NMUR2: variants seen among roughly 807,000 people sequenced by gnomAD.
NMUR2 encodes neuromedin U receptor 2.
In NMUR2, 24 loss-of-function variants were observed where a neutral mutation model predicts 25.1. That is an observed-to-expected ratio of 0.96 (90% confidence interval 0.69 to 1.34). The LOEUF (loss-of-function observed/expected upper bound fraction) is 1.34. Ranked by LOEUF, NMUR2 falls within the 40% of genes most tolerant of loss-of-function variation. NMUR2 has a pLI of 0.00. For missense variants in NMUR2, 533 were observed against 512.8 expected (o/e 1.04, Z -0.38); for synonymous variants, 218 against 208.1 (o/e 1.05, Z -0.41).
In NMUR2 at chr5:152,392,116, T is replaced by A; in HGVS notation, c.*75A>T. 1 of 1,244,336 alleles carries A rather than the reference T, an allele frequency of 8.0e-7. No homozygotes were observed. The highest frequency in any genetic ancestry group is 1.4e-5 in the South Asian group (1 of 70,688). The allele number at this position is 1,244,336 out of a possible 1,614,324, so 77.1% of individuals were successfully genotyped here. On this transcript the variant is annotated 3_prime_UTR_variant, in exon 4 of 4. Coordinates refer to ENST00000255262, the MANE Select transcript of NMUR2 (RefSeq NM_020167.5). ...GAGCCATTCTACCTCTCTAATATCATATGAGAAGGCATACATTATGGGATG... is the reference window on the plus strand; with the variant it reads ...GAGCCATTCTACCTCTCTAATATCAAATGAGAAGGCATACATTATGGGATG...
rs371294388 is a variant in NMUR2, at chr5:152,398,907, A to T, written c.727-763T>A. 5.3e-4 allele frequency among the ~76,000 whole-genome samples: 80 copies of T among 152,282 alleles called. No homozygotes were observed. The South Asian group carries it at 0.016, about 30-fold the overall frequency. ...TTTAAAGTATATTCATCCTTGTTGG[A>T]CGATATGGAGATCCTTGATGTAACA... On this transcript the variant is annotated intron_variant, in intron 1 of 3. Coordinates refer to ENST00000255262, the MANE Select transcript of NMUR2 (RefSeq NM_020167.5).
intron 2 of NMUR2, among the ~76,000 whole-genome samples, chr5:152,396,671 G>C (rs1269416144): frequency 1.3e-5 from 2 of 152,086 alleles, no homozygotes; most frequent in African/African-American, 2.4e-5. Context: ...GGTGGCCAAG[G>C]GGTGGATCTC....
intron 3 of NMUR2, among the ~76,000 whole-genome samples, chr5:152,392,901 G>A (rs1753088005): frequency 6.6e-6 from 1 of 152,158 alleles, no homozygotes; most frequent in Admixed American, 6.6e-5. Context: ...TGCAAGTAGT[G>A]GAAGAAGGTA....
At chr5:152,394,726 A>G (rs1367663664) in intron 3 of NMUR2, among the ~76,000 whole-genome samples, 1 of 152,066 alleles carries the variant, frequency 6.6e-6, no homozygotes, top group Non-Finnish European at 1.5e-5. Context: ...CATAATATCC[A>G]CCTAATGACC....
At chr5:152,401,000 A>T (rs1021535078) in intron 1 of NMUR2, among the ~76,000 whole-genome samples, 8 of 152,218 alleles carry the variant, frequency 5.3e-5, no homozygotes, top group Non-Finnish European at 1.2e-4. Flanking sequence ...CTAACTAGCT[A>T]ACTAGAGGAA....
chr5:152,404,087 G>A (rs996916216), intron 1 of NMUR2, among the ~76,000 whole-genome samples: 1 of 152,170 alleles, frequency 6.6e-6, no homozygotes, highest in Non-Finnish European at 1.5e-5. Flanking sequence ...GGTGAGGTAT[G>A]CATATTGCTC....
In NMUR2 at chr5:152,405,170, GAAA is replaced by G. The variant is rs71669210; in HGVS notation, c.-60_-58del. On this transcript the variant is annotated 5_prime_UTR_variant, in exon 1 of 4. Coordinates refer to ENST00000255262, the MANE Select transcript of NMUR2 (RefSeq NM_020167.5). ...GAGGCTCTGTTTCAAGCTGAGCCAG[GAAA>G]AAAAAAAAAAAAAGAAAAAAGGAAA... 3,611 of 1,136,382 alleles carry G rather than the reference GAAA, an allele frequency of 3.2e-3. No individual in the cohort carries two copies. The highest frequency in any genetic ancestry group is 5.3e-3 in the South Asian group (247 of 46,896). The allele number at this position is 1,136,382 out of a possible 1,614,324, so 70.4% of individuals were successfully genotyped here.
intron 1 of NMUR2, among the ~76,000 whole-genome samples, chr5:152,403,274 A>G (rs1044229554): frequency 6.6e-6 from 1 of 152,228 alleles, no homozygotes; most frequent in Non-Finnish European, 1.5e-5. Context: ...CTAAAGGCAT[A>G]TTATATGTCA....
In NMUR2 at chr5:152,398,040, A is replaced by G. The variant is rs1388085347; in HGVS notation, c.811+20T>C. The stretch of plus-strand genomic sequence containing the variant: ...GCTCTTATGAACAAAACAAAACAAA[A>G]AACAAAATGGGGCACTTACACAGCA... On this transcript the variant is annotated intron_variant, in intron 2 of 3. Coordinates refer to ENST00000255262, the MANE Select transcript of NMUR2 (RefSeq NM_020167.5). The G allele has an allele frequency of 6.3e-7, 1 of 1,596,438 alleles. No individual in the cohort carries two copies. Among genetic ancestry groups the G allele is most frequent in the Non-Finnish European group, 8.6e-7 (1 of 1,165,532 alleles).
intron 3 of NMUR2, among the ~76,000 whole-genome samples, chr5:152,393,786 A>C (rs1033834573): frequency 2.6e-5 from 4 of 152,186 alleles, no homozygotes; most frequent in Non-Finnish European, 4.4e-5. Context: ...AACTCTAGCC[A>C]GGCCTCAAAA....
rs755838249 is a variant in NMUR2 at position 152,398,151 on chromosome 5, G to A, written c.727-7C>T. ...GAGATTTGTCTTTCTTTAGCTGAAA[G>A]GGAAGTAAGTTGGGAGAGATAGTAA... On this transcript the variant is annotated splice_region_variant and splice_polypyrimidine_tract_variant and intron_variant, in intron 1 of 3. Transcript: ENST00000255262. The A allele has an allele frequency of 6.2e-7, 1 of 1,604,614 alleles. No homozygotes were observed. The highest frequency in any genetic ancestry group is 1.1e-5 in the South Asian group (1 of 90,534).
At chr5:152,392,714 T>C (rs1202378890) in intron 3 of NMUR2, among the ~76,000 whole-genome samples, 1 of 152,192 alleles carries the variant, frequency 6.6e-6, no homozygotes, top group African/African-American at 2.4e-5. Context: ...TTAAAGAGTC[T>C]TGGAGTAAGT....
At chr5:152,392,834 AG>A (rs1177909346) in intron 3 of NMUR2, among the ~76,000 whole-genome samples, 1 of 152,194 alleles carries the variant, frequency 6.6e-6, no homozygotes, top group East Asian at 1.9e-4. Flanking sequence ...TAAATATCAG[AG>A]GGAAGAGAAA....
At chr5:152,400,674 G>T (rs979744128) in intron 1 of NMUR2, among the ~76,000 whole-genome samples, 1 of 152,018 alleles carries the variant, frequency 6.6e-6, no homozygotes. Context: ...TCTATTAAAG[G>T]TTCTAATTAC....
intron 3 of NMUR2, among the ~76,000 whole-genome samples, chr5:152,394,817 A>G (rs968087050): frequency 2.0e-5 from 3 of 147,152 alleles, no homozygotes; most frequent in African/African-American, 7.5e-5. Context: ...GCTCCTTACC[A>G]TCAGTCCATG....
At chr5:152,395,658 C>T in intron 2 of NMUR2, 74 bp from the exon 3 acceptor site, 2 of 1,524,402 alleles carry the variant, frequency 1.3e-6, no homozygotes, top group Non-Finnish European at 1.8e-6. Context: ...CACTCTGAGT[C>T]AATCATTTCT....
chr5:152,403,702 TTATATATTATATATAAC>T (rs1240998893), intron 1 of NMUR2, among the ~76,000 whole-genome samples: 2 of 148,348 alleles, frequency 1.3e-5, no homozygotes, highest in South Asian at 2.1e-4. Flanking sequence ...ATATATATGA[TTATATATTATATATAAC>T]TATATATTAT....
In NMUR2 at chr5:152,398,132, T is replaced by C. The variant is rs1219781707; in HGVS notation, c.739A>G (p.Lys247Glu). The change falls in exon 2 of 4, where the codon AAA becomes GAA. Residue 247 changes from lysine to glutamate, a missense_variant. Coordinates refer to ENST00000255262, the MANE Select transcript of NMUR2 (RefSeq NM_020167.5). Reference sequence around the variant, plus strand: ...TTCCCTTCATCTGCCTCAAGAGATTTGTCTTTCTTTAGCTGAAAGGGAAGT... The same window carrying C: ...TTCCCTTCATCTGCCTCAAGAGATTCGTCTTTCTTTAGCTGAAAGGGAAGT... ...YLMALRLKKD[K>E]SLEADEGNAN... 15 of 1,612,378 alleles carry C rather than the reference T, an allele frequency of 9.3e-6. No homozygotes were observed. Among genetic ancestry groups the C allele is most frequent in the Non-Finnish European group, 1.1e-5 (13 of 1,178,938 alleles).
Position 152,404,887 on chromosome 5 carries a change from A to C in NMUR2, c.227T>G (p.Met76Arg), listed in dbSNP as rs140814108. 9.8e-4 allele frequency: 1,574 copies of C among 1,614,094 alleles called. 5 individuals are homozygous for C. Among genetic ancestry groups the C allele is most frequent in the Non-Finnish European group, 1.2e-3 (1,455 of 1,180,008 alleles). ...GAGGTAGTAGTTGGTGGGCGTCTTC[A>C]TAGCCTGGTGCTGCAGAATCACCAG... is the stretch of plus-strand genomic sequence containing the variant. ...VCLVILQHQA[M>R]KTPTNYYLFS... Residue 76 changes from methionine to arginine, a missense_variant, in exon 1 of 4, where the codon ATG (methionine) becomes AGG (arginine). Transcript: ENST00000255262.
Sources: allele counts gnomAD v4.1 joint callset (sites outside exome capture counted in the v4.1 genomes callset), GRCh38; gene constraint gnomAD v4.1.1; transcripts MANE v1.5; gene names NCBI Gene and HGNC (gene_info 2026-07-23, HGNC 2026-07-21).